The following CALN1 variants were observed in gnomAD, a reference collection of about 807,000 sequenced individuals.
The protein encoded by CALN1 is calneuron 1.
Under a neutral mutation model 30.6 loss-of-function variants are expected in CALN1, and 17 were observed. The observed-to-expected ratio is 0.56, with a 90% CI of 0.38 to 0.83. The LOEUF (loss-of-function observed/expected upper bound fraction) is 0.83, where lower values mean the gene tolerates loss of function less well. Among genes scored for constraint, CALN1 ranks in the 40% least tolerant of loss-of-function variants. CALN1 has a pLI of 0.00. For synonymous variants in CALN1, 156 were observed against 131.4 expected (o/e 1.19, Z -1.28); for missense variants, 291 against 354.9 (o/e 0.82, Z 1.45).
intron 5 of CALN1, among the ~76,000 whole-genome samples, chr7:71,956,684 CATTTTATTTTATT>C (rs888749616): frequency 2.6e-5 from 4 of 151,714 alleles, no homozygotes; most frequent in East Asian, 3.9e-4. Flanking sequence ...GGAGCATTTA[CATTTTATTTTATT>C]ATTTTATTTT....
At chr7:72,258,254 AGCCC>A (rs1796045652) in intron 3 of CALN1, among the ~76,000 whole-genome samples, 2 of 152,208 alleles carry the variant, frequency 1.3e-5, no homozygotes, top group Admixed American at 6.5e-5. Flanking sequence ...TCCATGGGGC[AGCCC>A]TAATTATAGG....
At chr7:71,816,075 GC>G (rs958206980) in intron 5 of CALN1, among the ~76,000 whole-genome samples, 24 of 149,120 alleles carry the variant, frequency 1.6e-4, no homozygotes, top group African/African-American at 5.0e-4. Context: ...TTGCTATGTT[GC>G]CCAAGCTGGT....
intron 5 of CALN1, among the ~76,000 whole-genome samples, chr7:71,944,026 A>G (rs1796272210): frequency 2.6e-5 from 4 of 152,342 alleles, no homozygotes; most frequent in African/African-American, 9.6e-5. Context: ...CCAAATCTGC[A>G]AGAGTTAAGC....
intron 5 of CALN1, among the ~76,000 whole-genome samples, chr7:71,933,329 A>C (rs180841856): frequency 1.3e-5 from 2 of 152,220 alleles, no homozygotes; most frequent in Admixed American, 6.5e-5. Flanking sequence ...TGGGTCCTAC[A>C]TAAAGAAGAC....
intron 5 of CALN1, among the ~76,000 whole-genome samples, chr7:71,994,270 G>A (rs778096493): frequency 8.5e-5 from 13 of 152,288 alleles, no homozygotes; most frequent in Non-Finnish European, 1.8e-4. Flanking sequence ...CCAGCACTTT[G>A]GGAGACTGAG....
At chr7:72,386,392 G>A (rs1008023375) in intron 2 of CALN1, among the ~76,000 whole-genome samples, 2 of 152,182 alleles carry the variant, frequency 1.3e-5, no homozygotes, top group Non-Finnish European at 2.9e-5. Flanking sequence ...CTGGGTTCTA[G>A]AAAACTCACT....
intron 3 of CALN1, among the ~76,000 whole-genome samples, chr7:72,139,454 C>T (rs6952558): frequency 0.17 from 26,259 of 150,482 alleles, 2,369 homozygotes; most frequent in East Asian, 0.28. Context: ...CCACGCCCAC[C>T]CTCTTCTACC....
chr7:72,490,735 T>C, the CALN1 span, among the ~76,000 whole-genome samples: 1 of 152,162 alleles, frequency 6.6e-6, no homozygotes, highest in Non-Finnish European at 1.5e-5. Context: ...TGTGAAGATG[T>C]GCTTGCTTCC....
At chr7:71,959,622 CTT>C (rs11289767) in intron 5 of CALN1, among the ~76,000 whole-genome samples, 4,447 of 144,258 alleles carry the variant, frequency 0.031, 87 homozygotes, top group Non-Finnish European at 0.045. Flanking sequence ...ACCTTTCCAG[CTT>C]TTTTTTTTTT....
Position 71,855,326 on chromosome 7 carries a change from T to G in CALN1, c.502-44834A>C, listed in dbSNP as rs915132823. Among the ~76,000 whole-genome samples, 19 of 152,170 alleles carry G rather than the reference T, an allele frequency of 1.2e-4. 1 individual carries two copies. Among genetic ancestry groups the G allele is most frequent in the Admixed American group, 6.6e-5 (1 of 15,266 alleles). On this transcript the variant is annotated intron_variant, in intron 5 of 6. Coordinates refer to ENST00000395275, the MANE Select transcript of CALN1 (RefSeq NM_031468.4). The stretch of plus-strand genomic sequence containing the variant: ...TTTCATGAAGCTTTCCAGGGGATGC[T>G]CTGGCTGACGCTGGACAATGACTGC...
chr7:72,055,700 A>T (rs981082400), intron 4 of CALN1, among the ~76,000 whole-genome samples: 21 of 152,200 alleles, frequency 1.4e-4, no homozygotes, highest in African/African-American at 5.1e-4. Flanking sequence ...GAGTAATTTT[A>T]TTGAAAAATT....
chr7:71,813,668 G>A (rs922741791), intron 5 of CALN1, among the ~76,000 whole-genome samples: 8 of 152,098 alleles, frequency 5.3e-5, no homozygotes, highest in Non-Finnish European at 1.0e-4. Flanking sequence ...GGTGGCTCAC[G>A]CCTGTCATCC....
chr7:72,404,303 G>A (rs909815109), intron 1 of CALN1, among the ~76,000 whole-genome samples: 13 of 152,312 alleles, frequency 8.5e-5, no homozygotes, highest in African/African-American at 2.9e-4. Flanking sequence ...ACACTGTGTG[G>A]CATTTAGGCC....
chr7:72,002,897 G>A (rs942954862), intron 5 of CALN1, among the ~76,000 whole-genome samples: 40 of 152,168 alleles, frequency 2.6e-4, no homozygotes, highest in African/African-American at 8.9e-4. Context: ...AGGGACTGAG[G>A]AGTTGTGAGG....
At chr7:71,876,361 G>A (rs549320731) in intron 5 of CALN1, among the ~76,000 whole-genome samples, 17 of 152,070 alleles carry the variant, frequency 1.1e-4, no homozygotes, top group Non-Finnish European at 2.5e-4. Context: ...CTCGTGTGTT[G>A]GCCCTTTCAC....
intron 2 of CALN1, among the ~76,000 whole-genome samples, chr7:72,357,672 T>C (rs1453966620): frequency 6.6e-6 from 1 of 151,724 alleles, no homozygotes; most frequent in Non-Finnish European, 1.5e-5. Flanking sequence ...CTCCCCATTA[T>C]GAGATAACAT....
upstream of CALN1, among the ~76,000 whole-genome samples, chr7:72,416,821 A>T (rs1001079731): frequency 6.6e-6 from 1 of 151,278 alleles, no homozygotes; most frequent in Non-Finnish European, 1.5e-5. Flanking sequence ...CCTCTCCTGC[A>T]TTAATGTCAG....
chr7:71,846,221 G>T (rs543547441), intron 5 of CALN1, among the ~76,000 whole-genome samples: 3 of 152,126 alleles, frequency 2.0e-5, no homozygotes, highest in Non-Finnish European at 4.4e-5. Flanking sequence ...ACTTCTCATT[G>T]AATATATATT....
intron 3 of CALN1, among the ~76,000 whole-genome samples, chr7:72,121,358 C>T (rs1188597620): frequency 7.1e-6 from 1 of 140,344 alleles, no homozygotes; most frequent in African/African-American, 2.6e-5. Flanking sequence ...TATAATTATG[C>T]AATATGATAT....
Sources: gnomAD v4.1 joint callset for allele counts (sites outside exome capture counted in the v4.1 genomes callset) on GRCh38, gnomAD v4.1.1 for gene constraint, MANE v1.5 for transcripts, NCBI Gene and HGNC (gene_info 2026-07-23, HGNC 2026-07-21) for gene names.